Variants in FAM209A observed in about 807,000 individuals in gnomAD.
FAM209A encodes family with sequence similarity 209 member A.
FAM209A carries 4 observed loss-of-function variants against 9.8 expected under a neutral mutation model. The ratio of observed to expected loss-of-function variants is 0.41; its 90% CI spans 0.20 to 0.94. FAM209A has a LOEUF of 0.94. Among genes scored for constraint, FAM209A ranks in the 40% least tolerant of loss-of-function variants. FAM209A has a pLI of 0.32. For synonymous variants in FAM209A, 55 were observed against 77.8 expected, an observed-to-expected ratio of 0.71 and a Z score of 1.54; for missense variants, 205 against 209.4, an observed-to-expected ratio of 0.98 and a Z score of 0.13.
At chr20:56,533,540 G>A in the FAM209A span, 1 of 1,614,186 alleles carries the variant, frequency 6.2e-7, no homozygotes, top group Non-Finnish European at 8.5e-7. Flanking sequence ...TTTGTTTGCT[G>A]TTGTGCCGTT....
At chr20:56,530,147 C>T (rs2146399187), downstream of FAM209A, among the ~76,000 whole-genome samples, 1 of 142,060 alleles carries the variant, frequency 7.0e-6, no homozygotes, top group East Asian at 2.4e-4. Flanking sequence ...CATCCATCTA[C>T]CCACCCACCC....
rs1985497715 is a variant in FAM209A at position 56,525,724 on chromosome 20, A to C, written c.250-80A>C. ...CAGTATGGTCTTCTTGCAACTACTC[A>C]AGTCTGCTGTTGTAACACGAACTGT... is the stretch of plus-strand genomic sequence containing the variant. On this transcript the variant is annotated intron_variant, in intron 1 of 1. Coordinates refer to ENST00000371328, the MANE Select transcript of FAM209A (RefSeq NM_001012971.4). The C allele has an allele frequency of 3.5e-6, 5 of 1,432,618 alleles. No homozygotes were observed. In the East Asian group the frequency reaches 1.1e-4, roughly 33 times the overall value. The allele number at this position is 1,432,618 out of a possible 1,614,324, so 88.7% of individuals were successfully genotyped here. A position where few individuals can be genotyped will look rare whatever the true frequency, so the allele number is the denominator to read the frequency against.
chr20:56,527,724 C>T (rs1256144772), downstream of FAM209A, among the ~76,000 whole-genome samples: 6 of 152,194 alleles, frequency 3.9e-5, no homozygotes, highest in South Asian at 4.1e-4. Flanking sequence ...TGCCTGGGGC[C>T]TCAGGGGAAG....
the FAM209A span, chr20:56,533,294 G>A: frequency 3.1e-6 from 5 of 1,605,406 alleles, no homozygotes; most frequent in South Asian, 1.1e-5. Flanking sequence ...CAGTTGCGAG[G>A]GCAAGCAAAC....
At chr20:56,527,113 C>G (rs922362069), downstream of FAM209A, among the ~76,000 whole-genome samples, 2 of 152,136 alleles carry the variant, frequency 1.3e-5, no homozygotes, top group Admixed American at 6.5e-5. Flanking sequence ...CTATTTTCCT[C>G]TCTCCTACAG....
chr20:56,532,495 T>C, the FAM209A span, among the ~76,000 whole-genome samples: 2 of 142,770 alleles, frequency 1.4e-5, no homozygotes, highest in Admixed American at 1.4e-4. Flanking sequence ...TTTTTTTTTT[T>C]TTTTTTTGAG....
At chr20:56,530,350 G>A (rs574227176), downstream of FAM209A, among the ~76,000 whole-genome samples, 11 of 152,356 alleles carry the variant, frequency 7.2e-5, no homozygotes, top group Admixed American at 5.2e-4. Context: ...CAGAGAGGAC[G>A]CTGGCAGGGC....
downstream of FAM209A, among the ~76,000 whole-genome samples, chr20:56,527,103 C>A (rs1353326490): frequency 2.0e-5 from 3 of 152,130 alleles, no homozygotes; most frequent in African/African-American, 4.8e-5. Flanking sequence ...ATGGTGATTT[C>A]TATTTTCCTC....
chr20:56,526,321 C>T (rs994885144), downstream of FAM209A, among the ~76,000 whole-genome samples: 8 of 152,026 alleles, frequency 5.3e-5, no homozygotes, highest in African/African-American at 1.2e-4. Flanking sequence ...GTGATGAGCT[C>T]GTGCTTCTGT....
At position 56,524,941 on chromosome 20, in the gene FAM209A, C is replaced by T. The variant is rs778119401; in HGVS notation, c.133C>T (p.Arg45Trp). The T allele has an allele frequency of 1.3e-5, 21 of 1,614,048 alleles. No individual in the cohort carries two copies. Among genetic ancestry groups the T allele is most frequent in the Admixed American group, 8.3e-5 (5 of 60,002 alleles). The change falls in exon 1 of 2, where the codon CGG (arginine) becomes TGG (tryptophan). Residue 45 changes from arginine to tryptophan, a missense_variant. Physicochemically the swap from Arg to Trp is moderately radical, Grantham distance 101. Transcript: ENST00000371328. ...GCAATACGGAGAGCACTTTCGGATT[C>T]GGCAGAATCTACCAGAGCACACCCA... The part of the protein sequence containing the change: ...KVQYGEHFRI[R>W]QNLPEHTQGW...
chr20:56,525,506 A>G (rs1985485980), intron 1 of FAM209A, among the ~76,000 whole-genome samples: 1 of 152,326 alleles, frequency 6.6e-6, no homozygotes, highest in East Asian at 1.9e-4. Flanking sequence ...TAAAGATGTA[A>G]GGTAGTTTGA....
the FAM209A span, among the ~76,000 whole-genome samples, chr20:56,531,439 C>T: frequency 6.6e-6 from 1 of 151,164 alleles, no homozygotes; most frequent in African/African-American, 2.4e-5. Flanking sequence ...GCTGGGATTA[C>T]AGGCATGCAC....
At chr20:56,527,604 A>G (rs1447439695), downstream of FAM209A, among the ~76,000 whole-genome samples, 1 of 152,228 alleles carries the variant, frequency 6.6e-6, no homozygotes, top group Admixed American at 6.5e-5. Flanking sequence ...CCTCACAAGC[A>G]TCAAAGTCAC....
the FAM209A span, among the ~76,000 whole-genome samples, chr20:56,532,216 C>A: frequency 6.6e-6 from 1 of 152,008 alleles, no homozygotes; most frequent in East Asian, 2.0e-4. Context: ...CTTGGGTGAT[C>A]TGCCTACCTT....
chr20:56,525,124 T>C, intron 1 of FAM209A, 67 bp downstream of exon 1: 1 of 1,590,772 alleles, frequency 6.3e-7, no homozygotes, highest in Non-Finnish European at 8.6e-7. Context: ...GAAACGGATG[T>C]TCTAGTGAGT....
downstream of FAM209A, among the ~76,000 whole-genome samples, chr20:56,531,048 T>C (rs1164136349): frequency 1.3e-5 from 2 of 152,180 alleles, no homozygotes; most frequent in African/African-American, 4.8e-5. Context: ...AAAGAACTCA[T>C]GGTTTCAGGT....
chr20:56,533,181 T>C, the FAM209A span: 20 of 1,504,348 alleles, frequency 1.3e-5, no homozygotes, highest in Admixed American at 9.0e-5. Flanking sequence ...GCGACTCCTG[T>C]GACCTGTAAC....
chr20:56,530,100 C>G (rs1173924101), downstream of FAM209A, among the ~76,000 whole-genome samples: 2 of 144,768 alleles, frequency 1.4e-5, no homozygotes, highest in African/African-American at 5.0e-5. Context: ...ACCCATCCAT[C>G]CATCCATTCA....
At chr20:56,526,823 T>C (rs541314354), downstream of FAM209A, among the ~76,000 whole-genome samples, 5 of 152,128 alleles carry the variant, frequency 3.3e-5, no homozygotes, top group East Asian at 5.8e-4. Flanking sequence ...TCTTAGCCCA[T>C]TGGGAGGCCG....
Sources: allele counts gnomAD v4.1 joint callset (sites outside exome capture counted in the v4.1 genomes callset), GRCh38; gene constraint gnomAD v4.1.1; transcripts MANE v1.5; gene names NCBI Gene and HGNC (gene_info 2026-07-23, HGNC 2026-07-21).